Variants in PDILT observed in about 807,000 individuals in gnomAD.
PDILT encodes the protein protein disulfide-isomerase-like protein of the testis.
PDILT carries 43 observed loss-of-function variants against 53.7 expected under a neutral mutation model. The ratio of observed to expected loss-of-function variants is 0.80; its 90% CI spans 0.63 to 1.03. The LOEUF (loss-of-function observed/expected upper bound fraction) is 1.03, where lower values mean the gene tolerates loss of function less well. PDILT is among the 50% of genes least tolerant of loss of function. PDILT has a pLI of 0.00. For synonymous variants in PDILT, 282 were observed against 274.2 expected, an observed-to-expected ratio of 1.03 and a Z score of -0.28; for missense variants, 727 against 712.3, an observed-to-expected ratio of 1.02 and a Z score of -0.24.
chr16:20,397,572 C>T (rs1214306932), intron 2 of PDILT, among the ~76,000 whole-genome samples: 1 of 152,140 alleles, frequency 6.6e-6, no homozygotes, highest in African/African-American at 2.4e-5. Context: ...ACTGTGAACC[C>T]CTGAAGCTGA....
chr16:20,382,318 C>T (rs963867430), intron 3 of PDILT, among the ~76,000 whole-genome samples: 6 of 152,174 alleles, frequency 3.9e-5, no homozygotes, highest in South Asian at 2.1e-4. Context: ...CAATGTAAAG[C>T]GGATTTCAAC....
In PDILT at chr16:20,376,173, A is replaced by G. The variant is rs1384614081; in HGVS notation, c.438T>C (p.Val146=). The G allele has an allele frequency of 6.2e-7, 1 of 1,614,090 alleles. No individual in the cohort carries two copies. The highest frequency in any genetic ancestry group is 1.3e-5 in the African/African-American group (1 of 74,930). Residue 146 remains valine (V), a synonymous_variant, in exon 4 of 12, where the codon GTT becomes GTC. Transcript: ENST00000302451. ...TCTGGCTAATTTGTCGTCTCAACCA[A>G]ACGACTAAGGCAGCAGATTCAACCA... ...KGVVESAALV[V]WLRRQISQKA... is the part of the protein sequence containing the mutation.
At chr16:20,372,726 G>T in intron 7 of PDILT, 76 bp downstream of exon 7, 2 of 1,521,490 alleles carry the variant, frequency 1.3e-6, no homozygotes, top group Non-Finnish European at 1.8e-6. Context: ...AAGCAGGGCA[G>T]GCAAATGGGC....
chr16:20,402,654 C>T (rs796463308), intron 1 of PDILT, among the ~76,000 whole-genome samples: 3 of 152,346 alleles, frequency 2.0e-5, no homozygotes, highest in African/African-American at 7.2e-5. Context: ...TGACATTTGA[C>T]TAAGGGAAGC....
rs761723871 is a variant in PDILT at position 20,365,519 on chromosome 16, T to A, written c.1138A>T (p.Ile380Phe). Reference sequence around the variant, plus strand: ...AGTCCCTGGTCCCAGTATTTTGGAATCTCTTCACTGGATTGATGTTTCTAG... The same window carrying A: ...AGTCCCTGGTCCCAGTATTTTGGAAACTCTTCACTGGATTGATGTTTCTAG... ...NATKHQSSEE[I>F]PKYWDQGLVK... Residue 380 changes from isoleucine to phenylalanine, a missense_variant, in exon 9 of 12, where the codon ATT (isoleucine) becomes TTT (phenylalanine). Transcript: ENST00000302451. The A allele has an allele frequency of 3.1e-5, 50 of 1,614,004 alleles. No individual in the cohort carries two copies. The highest frequency in any genetic ancestry group is 3.4e-5 in the Non-Finnish European group (40 of 1,179,952).
At chr16:20,365,383 C>T (rs1371397356) in intron 9 of PDILT, 37 bp downstream of exon 9, 3 of 1,607,460 alleles carry the variant, frequency 1.9e-6, no homozygotes, top group Non-Finnish European at 2.6e-6. Context: ...ATAATTTTGG[C>T]ACCCGTTGCC....
intron 3 of PDILT, among the ~76,000 whole-genome samples, chr16:20,383,766 T>A (rs950309478): frequency 6.6e-6 from 1 of 152,208 alleles, no homozygotes; most frequent in African/African-American, 2.4e-5. Flanking sequence ...CTGGCATGGC[T>A]GTTACAGGCA....
At chr16:20,360,198 G>A (rs1038975299) in intron 11 of PDILT, among the ~76,000 whole-genome samples, 6 of 152,188 alleles carry the variant, frequency 3.9e-5, no homozygotes, top group Non-Finnish European at 8.8e-5. Flanking sequence ...CCAGCAGAGG[G>A]CCTCACTGAG....
At chr16:20,401,255 G>A (rs149135965) in intron 1 of PDILT, among the ~76,000 whole-genome samples, 3 of 152,246 alleles carry the variant, frequency 2.0e-5, no homozygotes, top group Admixed American at 1.3e-4. Context: ...TTATCAGCCC[G>A]GACTAAGTCT....
intron 10 of PDILT, 49 bp from the exon 11 acceptor site, chr16:20,360,706 G>T: frequency 7.4e-7 from 1 of 1,353,330 alleles, no homozygotes; most frequent in Non-Finnish European, 1.1e-6. Flanking sequence ...TTCCCGCAGA[G>T]ATGCTCGAGG....
At chr16:20,381,561 G>A (rs996247951) in intron 3 of PDILT, among the ~76,000 whole-genome samples, 7 of 151,206 alleles carry the variant, frequency 4.6e-5, no homozygotes, top group Non-Finnish European at 2.9e-5. Flanking sequence ...ACTTGAACCC[G>A]GGAGGCGGAG....
intron 11 of PDILT, among the ~76,000 whole-genome samples, chr16:20,360,308 G>A (rs1484122278): frequency 1.3e-5 from 2 of 151,938 alleles, no homozygotes; most frequent in Non-Finnish European, 2.9e-5. Flanking sequence ...CCAGGGAAGC[G>A]GCCCAAGGCA....
At chr16:20,384,925 G>T in intron 2 of PDILT, 74 bp from the exon 3 acceptor site, 1 of 1,424,300 alleles carries the variant, frequency 7.0e-7, no homozygotes, top group Non-Finnish European at 9.9e-7. Flanking sequence ...TATTTGTTGG[G>T]CCTGCTTAGC....
At position 20,389,506 on chromosome 16, in the gene PDILT, C is replaced by G. The variant is rs183026964; in HGVS notation, c.203-4655G>C. 3.6e-3 allele frequency among the ~76,000 whole-genome samples: 548 copies of G among 152,166 alleles called. 4 individuals carry two copies. The highest frequency in any genetic ancestry group is 0.013 in the African/African-American group (530 of 41,510). Reference sequence around the variant, plus strand: ...GGTCCCATGGCAATGTCAGGAACCCCAAAGATCTTCCGGCTACTGATGAAA... The same window carrying G: ...GGTCCCATGGCAATGTCAGGAACCCGAAAGATCTTCCGGCTACTGATGAAA... On this transcript the variant is annotated intron_variant, in intron 2 of 11. Coordinates refer to ENST00000302451, the MANE Select transcript of PDILT (RefSeq NM_174924.2).
chr16:20,403,102 G>A (rs1330987621), intron 1 of PDILT, among the ~76,000 whole-genome samples: 1 of 152,126 alleles, frequency 6.6e-6, no homozygotes, highest in Non-Finnish European at 1.5e-5. Flanking sequence ...AGTGTCAACT[G>A]TGTGCATTCC....
chr16:20,366,936 T>TTTCC (rs554919222), intron 8 of PDILT, among the ~76,000 whole-genome samples: 2,427 of 35,684 alleles, frequency 0.068, 97 homozygotes, highest in Non-Finnish European at 0.13. Flanking sequence ...AACCAAATTC[T>TTTCC]TTCCTTCCTT....
At chr16:20,376,714 T>A (rs1020469171) in intron 3 of PDILT, among the ~76,000 whole-genome samples, 3 of 152,156 alleles carry the variant, frequency 2.0e-5, no homozygotes, top group Non-Finnish European at 4.4e-5. Flanking sequence ...GCAGCCCCCA[T>A]TCCTCAGCTG....
rs1173622544 is a variant in PDILT, at chr16:20,365,465, T to C, written c.1192A>G (p.Asn398Asp). The C allele has an allele frequency of 6.2e-7, 1 of 1,614,032 alleles. No individual in the cohort carries two copies. Among genetic ancestry groups the C allele is most frequent in the Admixed American group, 1.7e-5 (1 of 60,020 alleles). The change falls in exon 9 of 12, where the codon AAC becomes GAC. Residue 398 changes from asparagine (N) to aspartate (D), a missense_variant. Transcript: ENST00000302451. ...LVKQLVGKNF[N>D]VVVFDKEKDV... Reference sequence around the variant, plus strand: ...TTTTCTTTGTCAAAGACGACTACGTTGAAGTTCTTCCCCACGAGCTGCTTA... The same window carrying C: ...TTTTCTTTGTCAAAGACGACTACGTCGAAGTTCTTCCCCACGAGCTGCTTA...
chr16:20,360,504 C>T, intron 11 of PDILT, 64 bp downstream of exon 11: 2 of 1,375,324 alleles, frequency 1.5e-6, no homozygotes, highest in Admixed American at 1.7e-5. Context: ...CTTTTGTTGT[C>T]CATTAAGTTC....
Sources: gnomAD v4.1 joint callset for allele counts (sites outside exome capture counted in the v4.1 genomes callset) on GRCh38, gnomAD v4.1.1 for gene constraint, MANE v1.5 for transcripts, NCBI Gene and HGNC (gene_info 2026-07-23, HGNC 2026-07-21) for gene names.